The following GRIP1 variants were observed in gnomAD, a reference collection of about 807,000 sequenced individuals.
GRIP1 encodes the protein glutamate receptor-interacting protein 1.
In GRIP1, 45 loss-of-function variants were observed where a neutral mutation model predicts 129.9. That is an observed-to-expected ratio of 0.35 (90% confidence interval 0.27 to 0.44). The LOEUF is 0.44. Ranked by LOEUF, GRIP1 falls within the 20% of genes least tolerant of loss-of-function variation. GRIP1 has a pLI of 1.00. For synonymous variants in GRIP1, 530 were observed against 520.8 expected, an observed-to-expected ratio of 1.02 and a Z score of -0.24; for missense variants, 1,196 against 1,396.8, an observed-to-expected ratio of 0.86 and a Z score of 2.29.
At chr12:67,061,492 T>C (rs1191545204) in intron 1 of GRIP1, among the ~76,000 whole-genome samples, 1 of 152,252 alleles carries the variant, frequency 6.6e-6, no homozygotes, top group Admixed American at 6.5e-5. Context: ...TTGAGTATAG[T>C]ACAAGAAGTA....
intron 1 of GRIP1, among the ~76,000 whole-genome samples, chr12:66,793,624 C>T (rs528792341): frequency 2.0e-5 from 3 of 152,188 alleles, no homozygotes; most frequent in African/African-American, 2.4e-5. Flanking sequence ...CTTTTGGAGC[C>T]GTGGAATTAT....
chr12:66,641,654 C>T (rs762050601), intron 1 of GRIP1, among the ~76,000 whole-genome samples: 1 of 152,150 alleles, frequency 6.6e-6, no homozygotes, highest in Admixed American at 6.6e-5. Context: ...GAGACAAGCT[C>T]TGAGGAAATG....
chr12:67,059,531 A>C (rs2043495759), intron 1 of GRIP1, among the ~76,000 whole-genome samples: 1 of 152,226 alleles, frequency 6.6e-6, no homozygotes, highest in Admixed American at 6.5e-5. Flanking sequence ...TTGGGAGCAA[A>C]GGAAGGGAAA....
At chr12:66,825,276 G>A (rs1025749144) in intron 1 of GRIP1, among the ~76,000 whole-genome samples, 2 of 151,980 alleles carry the variant, frequency 1.3e-5, no homozygotes, top group African/African-American at 2.4e-5. Context: ...TTTTTGCTTC[G>A]TAATTCATTT....
chr12:66,425,118 C>G (rs2057938428), intron 14 of GRIP1, among the ~76,000 whole-genome samples: 2 of 152,148 alleles, frequency 1.3e-5, no homozygotes, highest in Admixed American at 6.5e-5. Context: ...TCATTTTCTA[C>G]CTTCATATTT....
intron 16 of GRIP1, among the ~76,000 whole-genome samples, chr12:66,399,452 G>A (rs2137585705): frequency 6.6e-6 from 1 of 152,026 alleles, no homozygotes; most frequent in Non-Finnish European, 1.5e-5. Flanking sequence ...AAACTTCTGA[G>A]AAAGAAAAAC....
chr12:66,498,726 T>G (rs2138747816), intron 7 of GRIP1, among the ~76,000 whole-genome samples: 1 of 152,304 alleles, frequency 6.6e-6, no homozygotes, highest in South Asian at 2.1e-4. Context: ...TGAGATTTCT[T>G]ATCTTTAAAA....
At chr12:66,753,452 C>T (rs2037191345) in intron 1 of GRIP1, among the ~76,000 whole-genome samples, 1 of 152,182 alleles carries the variant, frequency 6.6e-6, no homozygotes, top group Non-Finnish European at 1.5e-5. Flanking sequence ...AGTCACCTTC[C>T]ACCACTGCTG....
intron 1 of GRIP1, among the ~76,000 whole-genome samples, chr12:66,771,353 T>C (rs543323312): frequency 2.0e-5 from 3 of 152,330 alleles, no homozygotes; most frequent in Middle Eastern, 3.4e-3. Flanking sequence ...GTCTCAACTA[T>C]ATTTAAATGT....
chr12:66,933,731 TG>T lies in GRIP1; in HGVS notation c.58+135318del, dbSNP rs1386085673. Among the ~76,000 whole-genome samples, 3 of 152,294 alleles carry T rather than the reference TG, an allele frequency of 2.0e-5. No homozygotes were observed. The East Asian group carries it at 5.8e-4, about 29-fold the overall frequency. ...ACCACCTACATATATAGTACAATAA[TG>T]TTTATTCATGTCAAGCTGGAATTTG... is the stretch of plus-strand genomic sequence containing the variant. On this transcript the variant is annotated intron_variant, in intron 1 of 1. Coordinates refer to the GRIP1 transcript ENST00000643019.
intron 15 of GRIP1, 40 bp from the exon 16 acceptor site, chr12:66,406,468 C>T (rs2057194059): frequency 6.3e-7 from 1 of 1,598,800 alleles, no homozygotes; most frequent in Admixed American, 1.7e-5. Context: ...TAATGATGAG[C>T]ACTTAACTAG....
At position 66,476,922 on chromosome 12, in the gene GRIP1, T is replaced by C. The variant is rs2059634601; in HGVS notation, c.725-11500A>G. Among the ~76,000 whole-genome samples the C allele has an allele frequency of 2.0e-5, 3 of 152,162 alleles. No individual in the cohort carries two copies. In the South Asian group the frequency reaches 6.2e-4, roughly 32 times the overall value. ...TATGATAAACCCACAGCCAATATCA[T>C]ACTGAATGGGCAAAAACTGGAAGCA... On this transcript the variant is annotated intron_variant, in intron 7 of 24. Transcript: ENST00000359742.
rs529055105 is a variant in GRIP1 at position 66,428,549 on chromosome 12, T to C, written c.1768+3999A>G. On this transcript the variant is annotated intron_variant, in intron 14 of 24. Coordinates refer to ENST00000359742, the MANE Select transcript of GRIP1 (RefSeq NM_001366722.1). ...CTGATATAGGATATAGGGAGTTTCA[T>C]CAATCAGATGGTGACAGGGATGAGT... Among the ~76,000 whole-genome samples the C allele has an allele frequency of 8.8e-4, 134 of 152,276 alleles. 2 individuals are homozygous for C. In the Middle Eastern group the frequency reaches 0.02, roughly 23 times the overall value.
chr12:66,425,544 T>C (rs2137890980), intron 14 of GRIP1, among the ~76,000 whole-genome samples: 1 of 152,290 alleles, frequency 6.6e-6, no homozygotes, highest in African/African-American at 2.4e-5. Flanking sequence ...TGGGCACTAT[T>C]CAGGATAGCA....
intron 11 of GRIP1, among the ~76,000 whole-genome samples, chr12:66,447,758 T>C (rs1189861463): frequency 6.6e-6 from 1 of 152,164 alleles, no homozygotes; most frequent in Non-Finnish European, 1.5e-5. Context: ...CTTTCTGACT[T>C]CTGTCTATAG....
chr12:66,700,637 T>A (rs2035320411), intron 1 of GRIP1, among the ~76,000 whole-genome samples: 1 of 151,998 alleles, frequency 6.6e-6, no homozygotes, highest in Non-Finnish European at 1.5e-5. Flanking sequence ...ACCCAGAGAC[T>A]GTGTTTTAGA....
In GRIP1 at chr12:66,349,064, G is replaced by A. The variant is rs1470912026; in HGVS notation, c.3342C>T (p.Ser1114=). Residue 1114 remains serine, a synonymous_variant, in exon 25 of 25, where the codon AGC becomes AGT. Coordinates refer to ENST00000359742, the MANE Select transcript of GRIP1 (RefSeq NM_001366722.1). ...CTCGTGTCTCCAAATTACCACCGTGGCTAGGCTGCTGGAAAAAAGCACTGT... is the reference window on the plus strand; with the variant it reads ...CTCGTGTCTCCAAATTACCACCGTGACTAGGCTGCTGGAAAAAAGCACTGT... ...EQNSAFFQQP[S]HGGNLETREP... 2 of 1,613,972 alleles carry A rather than the reference G, an allele frequency of 1.2e-6. No individual in the cohort carries two copies. The highest frequency in any genetic ancestry group is 2.2e-5 in the East Asian group (1 of 44,882).
chr12:66,717,507 G>A (rs898853567), intron 1 of GRIP1, among the ~76,000 whole-genome samples: 2 of 152,060 alleles, frequency 1.3e-5, no homozygotes, highest in Admixed American at 1.3e-4. Flanking sequence ...GACAAGCATC[G>A]TGCCAGAAAA....
At chr12:66,938,316 A>G (rs371262547) in intron 1 of GRIP1, among the ~76,000 whole-genome samples, 22 of 152,088 alleles carry the variant, frequency 1.4e-4, no homozygotes, top group Admixed American at 9.8e-4. Flanking sequence ...GTGAGGTCAC[A>G]GTGAGACGAG....
Sources: allele counts gnomAD v4.1 joint callset (sites outside exome capture counted in the v4.1 genomes callset), GRCh38; gene constraint gnomAD v4.1.1; transcripts MANE v1.5; gene names NCBI Gene and HGNC (gene_info 2026-07-23, HGNC 2026-07-21).